RPS6KA1: variants seen among roughly 807,000 people sequenced by gnomAD.
The protein encoded by RPS6KA1 is ribosomal protein S6 kinase alpha-1.
A neutral mutation model predicts 91.3 loss-of-function variants in RPS6KA1; 48 were observed. The ratio of observed to expected loss-of-function variants is 0.53; its 90% CI spans 0.42 to 0.67. The LOEUF is 0.67. Among genes scored for constraint, RPS6KA1 ranks in the 30% least tolerant of loss-of-function variants. RPS6KA1 has a pLI of 0.00. For missense variants in RPS6KA1, 719 were observed against 960.5 expected (o/e 0.75, Z 3.32); for synonymous variants, 359 against 384.7 (o/e 0.93, Z 0.78).
intron 17 of RPS6KA1, among the ~76,000 whole-genome samples, chr1:26,565,073 ATGT>A (rs1266753354): frequency 8.5e-5 from 13 of 152,252 alleles, no homozygotes; most frequent in African/African-American, 3.1e-4. Flanking sequence ...CTTGGTGAGG[ATGT>A]TGTTGGAGGA....
chr1:26,574,263 A>G lies in RPS6KA1; in HGVS notation c.*62A>G. 1 of 1,605,516 alleles carries G rather than the reference A, an allele frequency of 6.2e-7. No individual in the cohort carries two copies. The highest frequency in any genetic ancestry group is 8.5e-7 in the Non-Finnish European group (1 of 1,172,626). On this transcript the variant is annotated 3_prime_UTR_variant, in exon 22 of 22. Coordinates refer to ENST00000374168, the MANE Select transcript of RPS6KA1 (RefSeq NM_002953.4). The surrounding 1 kb of genome is among the most constrained non-coding windows in gnomAD (Gnocchi z 4.3). ...TTGACACAGTCAGCATGCTTCCCAG[A>G]GGGAGCAGGCCGGAACCACAGGGCC...
chr1:26,543,065 G>A (rs1570426622), intron 2 of RPS6KA1: 1 of 1,326,682 alleles, frequency 7.5e-7, no homozygotes, highest in East Asian at 2.5e-5. Flanking sequence ...GTGAGAAGGA[G>A]GGGGGCCAGA....
At chr1:26,545,054 A>G (rs950677140) in intron 2 of RPS6KA1, among the ~76,000 whole-genome samples, 3 of 149,696 alleles carry the variant, frequency 2.0e-5, no homozygotes, top group African/African-American at 7.4e-5. Flanking sequence ...TCTGTTTTCT[A>G]TTGGATATGA....
intron 2 of RPS6KA1, among the ~76,000 whole-genome samples, chr1:26,544,563 C>G (rs535709105): frequency 1.1e-4 from 16 of 152,142 alleles, no homozygotes; most frequent in South Asian, 2.1e-4. Context: ...CAGCCTCCCC[C>G]TCCCAGGTTC....
rs950978790 is a variant in RPS6KA1, at chr1:26,551,010, G to C, written c.308-387G>C. Among the ~76,000 whole-genome samples the C allele has an allele frequency of 6.6e-6, 1 of 152,156 alleles. No homozygotes were observed. The highest frequency in any genetic ancestry group is 2.4e-5 in the African/African-American group (1 of 41,450). ...TTTATGCCAGATGGAAAGCAGAGCT[G>C]GTGAAGGCATGCCAGGGGGAGGTGC... On this transcript the variant is annotated intron_variant, in intron 4 of 21. Transcript: ENST00000374168. This position sits in a 1 kb window ranked among gnomAD's most constrained non-coding sequence, Gnocchi z 4.5.
At chr1:26,549,948 C>T (rs1367198791) in intron 4 of RPS6KA1, among the ~76,000 whole-genome samples, 7 of 151,796 alleles carry the variant, frequency 4.6e-5, no homozygotes, top group Admixed American at 3.9e-4. Flanking sequence ...GGTGCAATCT[C>T]GGCTCATCAC....
At chr1:26,565,372 C>T (rs1226022239) in intron 17 of RPS6KA1, among the ~76,000 whole-genome samples, 1 of 151,748 alleles carries the variant, frequency 6.6e-6, no homozygotes, top group Non-Finnish European at 1.5e-5. Context: ...GAGAAGTGTA[C>T]AAATCACAAC....
In RPS6KA1 at chr1:26,540,700, G is replaced by A. The variant is rs924689815; in HGVS notation, c.108+3731G>A. On this transcript the variant is annotated intron_variant, in intron 2 of 21. Transcript: ENST00000374168. The surrounding 1 kb of genome is among the most constrained non-coding windows in gnomAD (Gnocchi z 4.2). ...AAGTGATCCTCCTACCTCAGCTACC[G>A]GAGTAGCTGGGACTACAGGCGCACG... Among the ~76,000 whole-genome samples, 3 of 152,146 alleles carry A rather than the reference G, an allele frequency of 2.0e-5. No homozygotes were observed. The highest frequency in any genetic ancestry group is 2.4e-5 in the African/African-American group (1 of 41,432).
In RPS6KA1 at chr1:26,554,381, C is replaced by T. The variant is rs2076080306; in HGVS notation, c.613+130C>T. 22 of 1,160,968 alleles carry T rather than the reference C, an allele frequency of 1.9e-5. No individual in the cohort carries two copies. In the East Asian group the frequency reaches 5.7e-4, roughly 30 times the overall value. 71.9% of individuals were successfully genotyped at this position (1,160,968 alleles called of 1,614,324 possible). A position where few individuals can be genotyped will look rare whatever the true frequency, so the allele number is the denominator to read the frequency against. ...CCAGTTACTTGGAAGTGGTCAAAAA[C>T]TCAGGCCTCAGACTTGGAACACCCT... On this transcript the variant is annotated intron_variant, in intron 8 of 21. Coordinates refer to ENST00000374168, the MANE Select transcript of RPS6KA1 (RefSeq NM_002953.4). This position sits in a 1 kb window ranked among gnomAD's most constrained non-coding sequence, Gnocchi z 4.6.
rs2124645085 is a variant in RPS6KA1, at chr1:26,556,734, C to A, written c.981+16C>A. On this transcript the variant is annotated intron_variant, in intron 12 of 21. Transcript: ENST00000374168. ...TGACTGGAATGTGAGTGTGTCCACC[C>A]ACACCAGGGCTCTGGCCAGGGCTCA... The A allele has an allele frequency of 1.2e-6, 2 of 1,613,856 alleles. No individual in the cohort carries two copies. The highest frequency in any genetic ancestry group is 2.2e-5 in the East Asian group (1 of 44,876).
intron 2 of RPS6KA1, among the ~76,000 whole-genome samples, chr1:26,537,503 C>G (rs1175865534): frequency 6.6e-6 from 1 of 152,334 alleles, no homozygotes; most frequent in East Asian, 1.9e-4. Context: ...ATCTCTGCTT[C>G]CCCTGGGCCC....
rs1345084728 is a variant in RPS6KA1 at position 26,571,397 on chromosome 1, G to A, written c.1591-52G>A. 2 of 1,584,272 alleles carry A rather than the reference G, an allele frequency of 1.3e-6. No individual in the cohort carries two copies. Among genetic ancestry groups the A allele is most frequent in the African/African-American group, 1.3e-5 (1 of 74,354 alleles). On this transcript the variant is annotated intron_variant, in intron 17 of 21. Transcript: ENST00000374168. This position sits in a 1 kb window ranked among gnomAD's most constrained non-coding sequence, Gnocchi z 5.1. ...TTCTAATCTCTGGCCGCTGACCTGGGCCACTAGCCACCTCCCCACACTGAG... is the reference window on the plus strand; with the variant it reads ...TTCTAATCTCTGGCCGCTGACCTGGACCACTAGCCACCTCCCCACACTGAG...
intron 1 of RPS6KA1, among the ~76,000 whole-genome samples, chr1:26,535,682 G>A (rs952794603): frequency 2.6e-5 from 4 of 152,130 alleles, no homozygotes; most frequent in African/African-American, 9.7e-5. Flanking sequence ...TGGGCTCTGG[G>A]CTGTTTCTCA....
chr1:26,550,977 T>TG (rs1269086956), intron 4 of RPS6KA1, among the ~76,000 whole-genome samples: 1 of 151,422 alleles, frequency 6.6e-6, no homozygotes, highest in Admixed American at 6.6e-5. Context: ...GACCAGAATT[T>TG]GGGAATTTTT....
intron 4 of RPS6KA1, among the ~76,000 whole-genome samples, chr1:26,549,599 G>A (rs552393838): frequency 1.3e-5 from 2 of 150,836 alleles, no homozygotes; most frequent in South Asian, 4.2e-4. Context: ...CACATGAGAG[G>A]TCTCAGTCAA....
intron 14 of RPS6KA1, 63 bp from the exon 15 acceptor site, chr1:26,560,663 C>T: frequency 1.2e-6 from 2 of 1,608,466 alleles, no homozygotes; most frequent in Non-Finnish European, 1.7e-6. Flanking sequence ...GACCTTAGGT[C>T]CTGGGGGATG....
intron 17 of RPS6KA1, among the ~76,000 whole-genome samples, chr1:26,567,014 A>G (rs901151712): frequency 1.5e-5 from 2 of 135,790 alleles, no homozygotes; most frequent in South Asian, 5.4e-4. Flanking sequence ...TGCACTTTAC[A>G]TATTAACTTT....
At position 26,574,418 on chromosome 1, in the gene RPS6KA1, T is replaced by A. The variant is rs1570470231; in HGVS notation, c.*217T>A. 1.3e-6 allele frequency: 1 copy of A among 766,882 alleles called. No homozygotes were observed. Among genetic ancestry groups the A allele is most frequent in the East Asian group, 2.5e-5 (1 of 39,716 alleles). 47.5% of individuals were successfully genotyped at this position (766,882 alleles called of 1,614,324 possible). ...CTCAGGCTCTGCTGGTGGAAAGCGA[T>A]TCACTGTATAAACTTTTTTTTATGA... On this transcript the variant is annotated 3_prime_UTR_variant, in exon 22 of 22. Transcript: ENST00000374168. This position sits in a 1 kb window ranked among gnomAD's most constrained non-coding sequence, Gnocchi z 4.3.
intron 6 of RPS6KA1, chr1:26,552,890 T>TTTTTATTGGTAAA (rs2076065760): frequency 2.9e-5 from 11 of 376,450 alleles, no homozygotes; most frequent in African/African-American, 2.2e-4. Context: ...TCTATTCCCA[T>TTTTTATTGGTAAA]CTATAGGTAA....
Sources: allele counts gnomAD v4.1 joint callset (sites outside exome capture counted in the v4.1 genomes callset), GRCh38; gene constraint gnomAD v4.1.1; non-coding constraint Gnocchi (gnomAD v3.1); transcripts MANE v1.5; gene names NCBI Gene and HGNC (gene_info 2026-07-23, HGNC 2026-07-21).